ARID1B: variants seen among roughly 807,000 people sequenced by gnomAD.
ARID1B encodes the protein AT-rich interactive domain-containing protein 1B.
In ARID1B, 30 loss-of-function variants were observed where a neutral mutation model predicts 212.3. The observed-to-expected ratio is 0.14, with a 90% CI of 0.11 to 0.19. The LOEUF is 0.19. ARID1B is among the 10% of genes least tolerant of loss of function. The pLI is 1.00. For missense variants in ARID1B, 2,891 were observed against 3,204.0 expected (o/e 0.90, Z 2.36); for synonymous variants, 1,402 against 1,301.7 (o/e 1.08, Z -1.66).
At chr6:157,019,295 G>C (rs563910514) in intron 4 of ARID1B, among the ~76,000 whole-genome samples, 5 of 152,268 alleles carry the variant, frequency 3.3e-5, no homozygotes, top group African/African-American at 1.2e-4. Context: ...TTAAGGCATT[G>C]GTAATGGGAA....
At position 157,207,667 on chromosome 6, in the gene ARID1B, C is replaced by A. The variant is rs758120346; in HGVS notation, c.6895C>A (p.Gln2299Lys). The change falls in exon 20 of 20, where the codon CAG (glutamine) becomes AAG (lysine). Residue 2299 changes from glutamine (Q) to lysine (K), a missense_variant. By Grantham distance (53) the Gln-to-Lys change is moderately conservative. Around this residue, in one of 7 missense-constraint regions of ARID1B, gnomAD observed 187 missense variants for 306.5 expected, o/e 0.61. Coordinates refer to ENST00000636930, the MANE Select transcript of ARID1B (RefSeq NM_001374828.1). The surrounding 1 kb of genome is among the most constrained non-coding windows in gnomAD (Gnocchi z 8.5). The part of the protein sequence containing the change: ...GVTMAQYQQS[Q>K]HNLMHMQPPP... ...CACGATGGCCCAGTACCAGCAGAGCCAGCACAACCTCATGCACATGCAGCC... is the reference window on the plus strand; with the variant it reads ...CACGATGGCCCAGTACCAGCAGAGCAAGCACAACCTCATGCACATGCAGCC... 11 of 1,613,586 alleles carry A rather than the reference C, an allele frequency of 6.8e-6. No individual in the cohort carries two copies. Among genetic ancestry groups the A allele is most frequent in the Non-Finnish European group, 9.3e-6 (11 of 1,179,668 alleles).
chr6:157,115,656 T>G (rs1484800769), intron 6 of ARID1B, among the ~76,000 whole-genome samples: 1 of 152,216 alleles, frequency 6.6e-6, no homozygotes, highest in Non-Finnish European at 1.5e-5. Context: ...CTCGATCTCC[T>G]GACCTCGTGA....
At chr6:157,132,208 C>CT (rs1434860644) in intron 6 of ARID1B, among the ~76,000 whole-genome samples, 2 of 152,162 alleles carry the variant, frequency 1.3e-5, no homozygotes, top group Non-Finnish European at 2.9e-5. Flanking sequence ...CATGCACGAT[C>CT]TATGTCGGAG....
At chr6:156,854,708 A>T (rs992008590) in intron 2 of ARID1B, among the ~76,000 whole-genome samples, 1 of 152,244 alleles carries the variant, frequency 6.6e-6, no homozygotes, top group Non-Finnish European at 1.5e-5. Flanking sequence ...ACCTCTAGAT[A>T]CCAGCTAACA....
intron 7 of ARID1B, among the ~76,000 whole-genome samples, chr6:157,134,192 C>T (rs1261384488): frequency 6.6e-6 from 1 of 152,136 alleles, no homozygotes; most frequent in Non-Finnish European, 1.5e-5. Context: ...TTCCTAGAGG[C>T]CAGGCAAATA....
chr6:157,022,422 C>T (rs955314263), intron 4 of ARID1B: 44 of 152,218 alleles, frequency 2.9e-4, no homozygotes, highest in African/African-American at 1.0e-3. Flanking sequence ...CTTTCCTGTT[C>T]TTAATTAAAT....
At chr6:156,866,751 G>C (rs985569756) in intron 2 of ARID1B, among the ~76,000 whole-genome samples, 7 of 152,130 alleles carry the variant, frequency 4.6e-5, no homozygotes, top group African/African-American at 1.7e-4. Context: ...TATGTTCATG[G>C]CTGTGGGTTA....
chr6:157,005,301 G>A (rs1779181644), intron 4 of ARID1B, among the ~76,000 whole-genome samples: 1 of 151,864 alleles, frequency 6.6e-6, no homozygotes, highest in South Asian at 2.1e-4. Context: ...TTACAGGCAT[G>A]GGCCACCATG....
chr6:156,780,677 G>A (rs938584156), intron 1 of ARID1B, among the ~76,000 whole-genome samples: 3 of 152,318 alleles, frequency 2.0e-5, no homozygotes, highest in Non-Finnish European at 2.9e-5. Context: ...CAAATGTAAG[G>A]TTCAGTATTT....
intron 2 of ARID1B, among the ~76,000 whole-genome samples, chr6:156,879,093 C>T (rs1331434931): frequency 6.6e-6 from 1 of 152,238 alleles, no homozygotes; most frequent in Non-Finnish European, 1.5e-5. Flanking sequence ...CAGCCTATCC[C>T]GGCTGTGCCC....
chr6:156,803,152 TTTC>T (rs1780906610), intron 1 of ARID1B, among the ~76,000 whole-genome samples: 1 of 152,210 alleles, frequency 6.6e-6, no homozygotes, highest in Non-Finnish European at 1.5e-5. Context: ...GCAACGATGT[TTTC>T]TTTTTATCAG....
intron 3 of ARID1B, among the ~76,000 whole-genome samples, chr6:156,913,176 G>T (rs182780172): frequency 6.7e-6 from 1 of 148,342 alleles, no homozygotes; most frequent in South Asian, 2.1e-4. Context: ...TACCATTTTC[G>T]TGGTAGGAAC....
At chr6:157,034,407 G>T (rs533614855) in intron 4 of ARID1B, among the ~76,000 whole-genome samples, 1 of 152,294 alleles carries the variant, frequency 6.6e-6, no homozygotes, top group East Asian at 1.9e-4. Flanking sequence ...TCTTTCCATT[G>T]AGAATTTCCC....
chr6:157,159,353 C>T (rs1218976899), intron 8 of ARID1B, among the ~76,000 whole-genome samples: 1 of 152,178 alleles, frequency 6.6e-6, no homozygotes, highest in Admixed American at 6.5e-5. Flanking sequence ...CTTCACACCC[C>T]GACAAGGAGG....
intron 4 of ARID1B, among the ~76,000 whole-genome samples, chr6:157,066,779 C>T (rs747013802): frequency 6.6e-6 from 1 of 152,116 alleles, no homozygotes; most frequent in Non-Finnish European, 1.5e-5. Flanking sequence ...AGGAGATGCA[C>T]TTGAATTATT....
chr6:156,796,908 C>T (rs917048355), intron 1 of ARID1B, among the ~76,000 whole-genome samples: 5 of 151,616 alleles, frequency 3.3e-5, no homozygotes, highest in African/African-American at 1.2e-4. Flanking sequence ...CAGGCCCAGC[C>T]TCATGTGCTT....
At chr6:157,189,312 A>G (rs1793194024) in intron 13 of ARID1B, among the ~76,000 whole-genome samples, 1 of 152,238 alleles carries the variant, frequency 6.6e-6, no homozygotes, top group Non-Finnish European at 1.5e-5. Context: ...TCTTCTGCCT[A>G]AAGCCTCCTT....
chr6:156,827,839 C>T (rs1824320062), intron 1 of ARID1B, among the ~76,000 whole-genome samples: 1 of 141,016 alleles, frequency 7.1e-6, no homozygotes, highest in Non-Finnish European at 1.5e-5. Context: ...TGGCTCACTG[C>T]AGCCTCCGCC....
At chr6:157,163,085 G>C (rs750230288) in intron 8 of ARID1B, among the ~76,000 whole-genome samples, 1 of 152,128 alleles carries the variant, frequency 6.6e-6, no homozygotes, top group Non-Finnish European at 1.5e-5. Flanking sequence ...GCCTGTTTTT[G>C]TTTTGTTGCT....
Sources: gnomAD v4.1 joint callset for allele counts (sites outside exome capture counted in the v4.1 genomes callset) on GRCh38, gnomAD v4.1.1 for gene constraint, gnomAD v4.1.1 regional missense constraint, Gnocchi (gnomAD v3.1) non-coding constraint, MANE v1.5 for transcripts, NCBI Gene and HGNC (gene_info 2026-07-23, HGNC 2026-07-21) for gene names.